NR5A2: variants seen among roughly 807,000 people sequenced by gnomAD.
The protein encoded by NR5A2 is CYP7A promoter-binding factor.
NR5A2 carries 26 observed loss-of-function variants against 62.7 expected under a neutral mutation model. That is an observed-to-expected ratio of 0.41 (90% CI 0.30 to 0.58). NR5A2 has a LOEUF of 0.58. Ranked by LOEUF, NR5A2 falls within the 20% of genes least tolerant of loss-of-function variation. NR5A2 has a pLI of 0.22. For synonymous variants in NR5A2, 246 were observed against 241.7 expected (o/e 1.02, Z -0.16); for missense variants, 541 against 669.1 (o/e 0.81, Z 2.11).
At chr1:200,107,226 C>T (rs1416968611) in intron 5 of NR5A2, among the ~76,000 whole-genome samples, 1 of 151,606 alleles carries the variant, frequency 6.6e-6, no homozygotes, top group Non-Finnish European at 1.5e-5. Context: ...GCTAGATGCA[C>T]AAGATACACA....
intron 5 of NR5A2, among the ~76,000 whole-genome samples, chr1:200,103,028 T>C (rs1281483272): frequency 6.6e-6 from 1 of 152,178 alleles, no homozygotes; most frequent in East Asian, 1.9e-4. Context: ...TTAACTTTTC[T>C]ACCTCAGTTT....
chr1:200,084,119 G>T (rs2816927), intron 5 of NR5A2, among the ~76,000 whole-genome samples: 72,613 of 151,338 alleles, frequency 0.48, 17,411 homozygotes, highest in Middle Eastern at 0.52. Context: ...ATAGGACTTA[G>T]AGATTCAACA....
intron 5 of NR5A2, among the ~76,000 whole-genome samples, chr1:200,084,009 A>AAT (rs1341225631): frequency 1.5e-5 from 2 of 137,858 alleles, no homozygotes; most frequent in Admixed American, 7.2e-5. Flanking sequence ...ATAATAATAA[A>AAT]GTACAGTTTA....
At chr1:200,135,185 T>C (rs1206300148) in intron 7 of NR5A2, among the ~76,000 whole-genome samples, 2 of 152,150 alleles carry the variant, frequency 1.3e-5, no homozygotes, top group Admixed American at 6.5e-5. Flanking sequence ...TCTGCTGTCG[T>C]CACTCACAGG....
chr1:200,068,998 G>GC (rs1487013602), intron 5 of NR5A2, among the ~76,000 whole-genome samples: 1 of 152,096 alleles, frequency 6.6e-6, no homozygotes, highest in Non-Finnish European at 1.5e-5. Context: ...AGAAAGTCAT[G>GC]CCTGGAGACT....
intron 7 of NR5A2, among the ~76,000 whole-genome samples, chr1:200,128,796 C>G (rs1182381999): frequency 2.0e-5 from 3 of 152,128 alleles, no homozygotes; most frequent in Admixed American, 6.5e-5. Context: ...TCAATCATAA[C>G]TCGGCTCTTG....
In NR5A2 at chr1:200,057,014, T is replaced by G. The variant is rs148003642; in HGVS notation, c.1110+8196T>G. Among the ~76,000 whole-genome samples, 1,043 of 152,338 alleles carry G rather than the reference T, an allele frequency of 6.8e-3. 16 individuals are homozygous for G. Among genetic ancestry groups the G allele is most frequent in the African/African-American group, 0.024 (994 of 41,576 alleles). ...CTCGGCAGCCAAGAGCAAGCCCTTG[T>G]TCCTGTTCTGATGAGGATGTACTGA... is the stretch of plus-strand genomic sequence containing the variant. On this transcript the variant is annotated intron_variant, in intron 5 of 7. Transcript: ENST00000367362.
intron 6 of NR5A2, among the ~76,000 whole-genome samples, chr1:200,119,365 T>C (rs961279999): frequency 4.6e-5 from 7 of 152,200 alleles, no homozygotes; most frequent in African/African-American, 1.7e-4. Flanking sequence ...TACAGTCTGC[T>C]CTGGGTGAGT....
chr1:200,095,805 G>T (rs1229423034), intron 5 of NR5A2, among the ~76,000 whole-genome samples: 1 of 152,104 alleles, frequency 6.6e-6, no homozygotes, highest in Admixed American at 6.5e-5. Flanking sequence ...GCCCGCCTTG[G>T]CCTCCCAAAG....
At chr1:200,074,137 A>C (rs767910598) in intron 5 of NR5A2, among the ~76,000 whole-genome samples, 2 of 151,086 alleles carry the variant, frequency 1.3e-5, no homozygotes, top group Non-Finnish European at 2.9e-5. Flanking sequence ...ATAAAAAACA[A>C]TATAAATAGT....
At position 200,048,169 on chromosome 1, in the gene NR5A2, C is replaced by T. The variant is rs773393094; in HGVS notation, c.464-3C>T. ...TTCCTTCCCCCCACCCCACCCCCAACAGCTGTAAGGGCCGACCGAATGCGT... is the reference window on the plus strand; with the variant it reads ...TTCCTTCCCCCCACCCCACCCCCAATAGCTGTAAGGGCCGACCGAATGCGT... On this transcript the variant is annotated splice_region_variant and splice_polypyrimidine_tract_variant and intron_variant, in intron 4 of 7. Coordinates refer to ENST00000367362, the MANE Select transcript of NR5A2 (RefSeq NM_205860.3). This position sits in a 1 kb window ranked among gnomAD's most constrained non-coding sequence, Gnocchi z 4.8. 6.3e-7 allele frequency: 1 copy of T among 1,591,676 alleles called. No individual in the cohort carries two copies. Among genetic ancestry groups the T allele is most frequent in the Non-Finnish European group, 8.6e-7 (1 of 1,166,976 alleles).
At chr1:200,053,589 A>G (rs1308892959) in intron 5 of NR5A2, among the ~76,000 whole-genome samples, 1 of 151,616 alleles carries the variant, frequency 6.6e-6, no homozygotes, top group Non-Finnish European at 1.5e-5. Flanking sequence ...ACACACACAC[A>G]CACACACACA....
At chr1:200,070,740 C>T (rs1408808470) in intron 5 of NR5A2, among the ~76,000 whole-genome samples, 2 of 151,114 alleles carry the variant, frequency 1.3e-5, no homozygotes, top group Non-Finnish European at 2.9e-5. Context: ...AAATCTGTTC[C>T]AACCCCCCAG....
chr1:200,076,455 AT>A (rs11430284), intron 5 of NR5A2, among the ~76,000 whole-genome samples: 290 of 146,156 alleles, frequency 2.0e-3, no homozygotes, highest in Admixed American at 2.2e-3. Context: ...ATGCCCAGGA[AT>A]TTTTTTTTTT....
At chr1:200,091,184 T>C (rs966139097) in intron 5 of NR5A2, among the ~76,000 whole-genome samples, 3 of 152,178 alleles carry the variant, frequency 2.0e-5, no homozygotes, top group Non-Finnish European at 4.4e-5. Context: ...TTGTAATATT[T>C]GATCAAGCTA....
intron 7 of NR5A2, among the ~76,000 whole-genome samples, chr1:200,155,507 T>G (rs1653335416): frequency 6.6e-6 from 1 of 152,158 alleles, no homozygotes. Context: ...AAAAGCCTCA[T>G]GTAGAAGTGA....
intron 5 of NR5A2, among the ~76,000 whole-genome samples, chr1:200,070,024 T>C (rs1242609452): frequency 1.5e-4 from 23 of 152,092 alleles, no homozygotes; most frequent in Admixed American, 1.5e-3. Flanking sequence ...TTTTTTTAAG[T>C]CGTCTTTATT....
intron 7 of NR5A2, among the ~76,000 whole-genome samples, chr1:200,149,104 G>A (rs1451254640): frequency 6.6e-6 from 1 of 152,014 alleles, no homozygotes; most frequent in African/African-American, 2.4e-5. Context: ...GTAGAGACAG[G>A]GTTTCACTAT....
chr1:200,069,634 G>T (rs558112385), intron 5 of NR5A2, among the ~76,000 whole-genome samples: 2 of 152,088 alleles, frequency 1.3e-5, no homozygotes, highest in Non-Finnish European at 2.9e-5. Context: ...GAAACTGTGG[G>T]GTTTCCTATG....
Sources: gnomAD v4.1 joint callset for allele counts (sites outside exome capture counted in the v4.1 genomes callset) on GRCh38, gnomAD v4.1.1 for gene constraint, Gnocchi (gnomAD v3.1) non-coding constraint, MANE v1.5 for transcripts, NCBI Gene and HGNC (gene_info 2026-07-23, HGNC 2026-07-21) for gene names.